The following PAPSS1 variants were observed in gnomAD, a reference collection of about 807,000 sequenced individuals.
PAPSS1 encodes the protein 3'-phosphoadenosine 5'-phosphosulfate synthase 1, also known as bifunctional 3'-phosphoadenosine 5'-phosphosulfate synthase 1.
A neutral mutation model predicts 72.0 loss-of-function variants in PAPSS1; 50 were observed. That is an observed-to-expected ratio of 0.69 (90% CI 0.55 to 0.88). The LOEUF (loss-of-function observed/expected upper bound fraction) is 0.88. PAPSS1 is among the 40% of genes least tolerant of loss of function. The pLI is 0.00. For missense variants in PAPSS1, 657 were observed against 782.2 expected, an observed-to-expected ratio of 0.84 and a Z score of 1.91; for synonymous variants, 261 against 263.6, an observed-to-expected ratio of 0.99 and a Z score of 0.09.
chr4:107,614,482 A>C (rs1725769517), intron 11 of PAPSS1, 95 bp from the exon 12 acceptor site: 1 of 901,512 alleles, frequency 1.1e-6, no homozygotes, highest in African/African-American at 1.7e-5. Flanking sequence ...AGACAAACTT[A>C]ATGAAAAAAA....
chr4:107,687,975 C>CAA (rs11305780), intron 3 of PAPSS1, among the ~76,000 whole-genome samples: 48 of 127,170 alleles, frequency 3.8e-4, no homozygotes, highest in African/African-American at 1.4e-3. Context: ...CTTCATGTTT[C>CAA]AAAAAAAAAA....
At chr4:107,691,179 T>TA (rs879388900) in intron 3 of PAPSS1, among the ~76,000 whole-genome samples, 2,345 of 143,834 alleles carry the variant, frequency 0.016, 51 homozygotes, top group African/African-American at 0.055. Flanking sequence ...AAATCTTGTT[T>TA]AAAAAAAAAA....
At chr4:107,720,056 T>A (rs553107617) in intron 1 of PAPSS1, 64 bp downstream of exon 1, 33 of 1,555,382 alleles carry the variant, frequency 2.1e-5, no homozygotes, top group Non-Finnish European at 2.7e-5. Flanking sequence ...AGGCGGCGGC[T>A]CCGGAACGAG....
At chr4:107,686,086 T>C (rs368645860) in intron 4 of PAPSS1, among the ~76,000 whole-genome samples, 5 of 152,234 alleles carry the variant, frequency 3.3e-5, no homozygotes, top group Admixed American at 6.5e-5. Context: ...ACAAGATAAA[T>C]AGTATGATTA....
intron 10 of PAPSS1, among the ~76,000 whole-genome samples, chr4:107,642,623 G>A (rs1369078929): frequency 6.6e-6 from 1 of 152,046 alleles, no homozygotes. Context: ...AATAAAATAT[G>A]GACTATTATA....
intron 10 of PAPSS1, 77 bp downstream of exon 10, chr4:107,644,724 CA>C: frequency 7.2e-7 from 1 of 1,387,414 alleles, no homozygotes; most frequent in East Asian, 2.4e-5. Context: ...ACAGAAAAAG[CA>C]ATCGGATGGT....
rs145174560 is a variant in PAPSS1, at chr4:107,694,900, T to C, written c.176-894A>G. On this transcript the variant is annotated intron_variant, in intron 2 of 11. Transcript: ENST00000265174. The stretch of plus-strand genomic sequence containing the variant: ...CAAGAGATAAAATACTAAAGTCTAA[T>C]GTACCAATGCTCTTGAAAGAATTCA... Among the ~76,000 whole-genome samples, 665 of 152,136 alleles carry C rather than the reference T, an allele frequency of 4.4e-3. 4 individuals are homozygous for C. The highest frequency in any genetic ancestry group is 0.015 in the African/African-American group (632 of 41,516).
At chr4:107,689,665 C>T (rs189470850) in intron 3 of PAPSS1, among the ~76,000 whole-genome samples, 2 of 152,260 alleles carry the variant, frequency 1.3e-5, no homozygotes, top group East Asian at 3.9e-4. Context: ...CATCTTATTA[C>T]TCTTCTGTAT....
At chr4:107,679,153 A>G (rs1490615780) in intron 5 of PAPSS1, among the ~76,000 whole-genome samples, 1 of 152,134 alleles carries the variant, frequency 6.6e-6, no homozygotes, top group Non-Finnish European at 1.5e-5. Context: ...GGTCACGCCT[A>G]AGACTGAAGG....
At chr4:107,671,298 C>T (rs1727460878) in intron 5 of PAPSS1, among the ~76,000 whole-genome samples, 1 of 150,128 alleles carries the variant, frequency 6.7e-6, no homozygotes, top group Admixed American at 6.6e-5. Context: ...TTATCTTCCT[C>T]CCTGAAGAAA....
intron 5 of PAPSS1, among the ~76,000 whole-genome samples, chr4:107,671,000 T>G (rs899968588): frequency 1.3e-5 from 2 of 152,136 alleles, no homozygotes; most frequent in Non-Finnish European, 2.9e-5. Flanking sequence ...TGGTAACCAG[T>G]TAGGGGAATA....
intron 11 of PAPSS1, 107 bp from the exon 12 acceptor site, chr4:107,614,494 A>G: frequency 1.4e-6 from 1 of 724,070 alleles, no homozygotes; most frequent in African/African-American, 1.8e-5. Context: ...TGAAAAAAAA[A>G]TACTGAACAT....
chr4:107,668,635 G>A (rs148117393), intron 5 of PAPSS1, among the ~76,000 whole-genome samples: 67 of 152,142 alleles, frequency 4.4e-4, no homozygotes, highest in Admixed American at 2.0e-4. Flanking sequence ...ATCTTTCTCC[G>A]GTGCTGGATG....
At chr4:107,718,858 A>T (rs181279964) in intron 1 of PAPSS1, among the ~76,000 whole-genome samples, 23 of 152,352 alleles carry the variant, frequency 1.5e-4, no homozygotes, top group Admixed American at 1.5e-3. Context: ...TTCACCGCAC[A>T]TTCAAATTCA....
intron 5 of PAPSS1, among the ~76,000 whole-genome samples, chr4:107,675,377 C>A (rs941036619): frequency 2.6e-5 from 4 of 152,152 alleles, no homozygotes; most frequent in Non-Finnish European, 5.9e-5. Context: ...CACAGAAATA[C>A]AAACTACCAT....
chr4:107,621,839 A>T (rs1256558952), intron 11 of PAPSS1, among the ~76,000 whole-genome samples: 4 of 151,572 alleles, frequency 2.6e-5, no homozygotes, highest in Non-Finnish European at 1.5e-5. Flanking sequence ...CGTGTTAGCC[A>T]GGATGGTCTT....
intron 1 of PAPSS1, among the ~76,000 whole-genome samples, chr4:107,716,239 G>A (rs1723636776): frequency 6.6e-6 from 1 of 152,142 alleles, no homozygotes; most frequent in Non-Finnish European, 1.5e-5. Context: ...CAGCCCACGA[G>A]CAAGTGAACA....
At chr4:107,629,719 G>C (rs1726183784) in intron 11 of PAPSS1, among the ~76,000 whole-genome samples, 1 of 152,190 alleles carries the variant, frequency 6.6e-6, no homozygotes, top group Admixed American at 6.5e-5. Flanking sequence ...AACCAGTCAA[G>C]AGCAAAGGTC....
At chr4:107,712,327 C>T (rs1033948242) in intron 1 of PAPSS1, among the ~76,000 whole-genome samples, 1 of 152,146 alleles carries the variant, frequency 6.6e-6, no homozygotes, top group Non-Finnish European at 1.5e-5. Flanking sequence ...ACTAGTTATA[C>T]ATAGGTAAAT....
Sources: gnomAD v4.1 joint callset for allele counts (sites outside exome capture counted in the v4.1 genomes callset) on GRCh38, gnomAD v4.1.1 for gene constraint, MANE v1.5 for transcripts, NCBI Gene and HGNC (gene_info 2026-07-23, HGNC 2026-07-21) for gene names.